PRKN: variants seen among roughly 807,000 people sequenced by gnomAD.
The protein encoded by PRKN is parkin RBR E3 ubiquitin protein ligase, also known as E3 ubiquitin-protein ligase parkin.
Under a neutral mutation model 59.5 loss-of-function variants are expected in PRKN, and 56 were observed. The observed-to-expected ratio is 0.94, with a 90% confidence interval of 0.76 to 1.18. The LOEUF is 1.18. Among genes scored for constraint, PRKN ranks in the 50% most tolerant of loss-of-function variants. The probability of loss-of-function intolerance (pLI) is 0.00; values close to 1 mark genes in which losing one functional copy is unlikely to be tolerated. For synonymous variants in PRKN, 250 were observed against 222.1 expected, an observed-to-expected ratio of 1.13 and a Z score of -1.12; for missense variants, 657 against 596.4, an observed-to-expected ratio of 1.10 and a Z score of -1.06.
At chr6:161,755,018 G>A (rs1788856472) in intron 7 of PRKN, among the ~76,000 whole-genome samples, 1 of 152,200 alleles carries the variant, frequency 6.6e-6, no homozygotes, top group Non-Finnish European at 1.5e-5. Flanking sequence ...AAGTGCTTAT[G>A]TTTCTTTCAG....
Position 161,441,423 on chromosome 6 carries a change from T to G in PRKN, c.1084-54546A>C, listed in dbSNP as rs368137880. Among the ~76,000 whole-genome samples, 187 of 152,094 alleles carry G rather than the reference T, an allele frequency of 1.2e-3. 1 individual carries two copies. The East Asian group carries it at 0.024, about 20-fold the overall frequency. ...ACTTTGGGAGGCCAAGGCGGGCGGA[T>G]CACTTGAGGTCAGGAGTTTGAAACC... On this transcript the variant is annotated intron_variant, in intron 9 of 11. Transcript: ENST00000366898.
chr6:162,054,428 C>T (rs1224279737), intron 4 of PRKN, among the ~76,000 whole-genome samples: 1 of 152,190 alleles, frequency 6.6e-6, no homozygotes, highest in Non-Finnish European at 1.5e-5. Flanking sequence ...CACTTATAGC[C>T]TCCCCCTACG....
At chr6:162,245,114 C>A (rs1019377242) in intron 3 of PRKN, among the ~76,000 whole-genome samples, 18 of 151,848 alleles carry the variant, frequency 1.2e-4, no homozygotes, top group Non-Finnish European at 2.2e-4. Context: ...TCTTAATAAT[C>A]AAAAAAAATT....
In PRKN at chr6:161,385,363, G is replaced by T. The variant is rs962863045; in HGVS notation, c.1167+1431C>A. On this transcript the variant is annotated intron_variant, in intron 10 of 11. Coordinates refer to ENST00000366898, the MANE Select transcript of PRKN (RefSeq NM_004562.3). This position sits in a 1 kb window ranked among gnomAD's most constrained non-coding sequence, Gnocchi z 4.9. ...CCGATGCTGGACATCTATGGTTTAGGTCATCTCTAACTTTCTTTTTCCTAT... is the reference window on the plus strand; with the variant it reads ...CCGATGCTGGACATCTATGGTTTAGTTCATCTCTAACTTTCTTTTTCCTAT... 6.6e-6 allele frequency among the ~76,000 whole-genome samples: 1 copy of T among 152,142 alleles called. No homozygotes were observed. The highest frequency in any genetic ancestry group is 2.4e-5 in the African/African-American group (1 of 41,428).
intron 1 of PRKN, among the ~76,000 whole-genome samples, chr6:162,561,501 G>A (rs575368005): frequency 6.6e-6 from 1 of 152,096 alleles, no homozygotes; most frequent in South Asian, 2.1e-4. Context: ...CAAAAATCAG[G>A]TGAGCACTCA....
intron 1 of PRKN, among the ~76,000 whole-genome samples, chr6:162,651,968 T>A (rs55641858): frequency 0.23 from 35,207 of 152,098 alleles, 4,867 homozygotes; most frequent in African/African-American, 0.37. Context: ...TACTCAGATA[T>A]TTAGCATTAC....
rs1042085460 is a variant in PRKN at position 161,488,413 on chromosome 6, A to G, written c.1083+60441T>C. Among the ~76,000 whole-genome samples, 1 of 152,236 alleles carries G rather than the reference A, an allele frequency of 6.6e-6. No homozygotes were observed. The highest frequency in any genetic ancestry group is 1.5e-5 in the Non-Finnish European group (1 of 68,042). ...GCTGCTTAAACTGTTAGTATAAATT[A>G]TAATGGAATTTAAGTAATGTTCACA... is the stretch of plus-strand genomic sequence containing the variant. On this transcript the variant is annotated intron_variant, in intron 9 of 11. Transcript: ENST00000366898. The surrounding 1 kb of genome is among the most constrained non-coding windows in gnomAD (Gnocchi z 4.5).
chr6:161,348,434 C>A lies in PRKN; in HGVS notation c.*1665G>T. On this transcript the variant is annotated 3_prime_UTR_variant, in exon 12 of 12. Transcript: ENST00000366898. This position sits in a 1 kb window ranked among gnomAD's most constrained non-coding sequence, Gnocchi z 4.9. ...GGCCATGTTGGAGTCGGTAGATTTT[C>A]AGACAGTGAAGCCACATGAAGCTGT... 1 of 222,514 alleles carries A rather than the reference C, an allele frequency of 4.5e-6. No homozygotes were observed. Among genetic ancestry groups the A allele is most frequent in the East Asian group, 6.5e-5 (1 of 15,392 alleles). The allele number at this position is 222,514 out of a possible 1,614,324, so 13.8% of individuals were successfully genotyped here.
At chr6:161,513,158 A>G (rs1313962167) in intron 9 of PRKN, among the ~76,000 whole-genome samples, 5 of 152,208 alleles carry the variant, frequency 3.3e-5, no homozygotes, top group Admixed American at 1.3e-4. Flanking sequence ...AGAAATAAAA[A>G]TTTGGCTGCC....
chr6:161,418,556 A>G (rs1473168987), intron 9 of PRKN, among the ~76,000 whole-genome samples: 2 of 152,226 alleles, frequency 1.3e-5, no homozygotes, highest in African/African-American at 4.8e-5. Context: ...TTTAGTAAAT[A>G]AACGTGATCA....
rs553316624 is a variant in PRKN, at chr6:161,447,715, G to A, written c.1084-60838C>T. Among the ~76,000 whole-genome samples the A allele has an allele frequency of 2.0e-5, 3 of 152,074 alleles. No individual in the cohort carries two copies. Among genetic ancestry groups the A allele is most frequent in the Non-Finnish European group, 4.4e-5 (3 of 68,028 alleles). On this transcript the variant is annotated intron_variant, in intron 9 of 11. Transcript: ENST00000366898. This position sits in a 1 kb window ranked among gnomAD's most constrained non-coding sequence, Gnocchi z 4.1. ...TCACCGTGTAAGCTAGGATGGTCTCGATCTCCTGACCTCATGATCAGCCCG... is the reference window on the plus strand; with the variant it reads ...TCACCGTGTAAGCTAGGATGGTCTCAATCTCCTGACCTCATGATCAGCCCG...
intron 2 of PRKN, among the ~76,000 whole-genome samples, chr6:162,334,059 G>C (rs187559729): frequency 1.1e-4 from 16 of 152,286 alleles, no homozygotes; most frequent in African/African-American, 3.9e-4. Context: ...TTCTACGAAG[G>C]CTGAGAGAGG....
intron 9 of PRKN, among the ~76,000 whole-genome samples, chr6:161,523,930 G>T (rs1318345975): frequency 6.6e-6 from 1 of 152,114 alleles, no homozygotes. Context: ...CTCAGCAAGA[G>T]AGAGACTGGG....
chr6:162,717,881 A>G (rs1778789041), intron 1 of PRKN, among the ~76,000 whole-genome samples: 1 of 152,220 alleles, frequency 6.6e-6, no homozygotes, highest in South Asian at 2.1e-4. Context: ...TATTACCACA[A>G]TGCATTTGTC....
intron 6 of PRKN, among the ~76,000 whole-genome samples, chr6:161,874,180 T>TACATGTAAAATATTATATATAAA (rs1562354107): frequency 2.8e-5 from 1 of 35,118 alleles, no homozygotes; most frequent in Non-Finnish European, 4.5e-5. Flanking sequence ...TAATATATAT[T>TACATGTAAAATATTATATATAAA]ATATATAATA....
At position 162,094,095 on chromosome 6, in the gene PRKN, C is replaced by T. The variant is rs1294628088; in HGVS notation, c.535-39921G>A. 7.2e-5 allele frequency among the ~76,000 whole-genome samples: 11 copies of T among 151,984 alleles called. No individual in the cohort carries two copies. In the East Asian group the frequency reaches 1.2e-3, roughly 16 times the overall value. ...AGCGAGGCAGCACGTCGAGATGAGA[C>T]GAAAACACAGACACTGACTGAGTAG... On this transcript the variant is annotated intron_variant, in intron 4 of 11. Transcript: ENST00000366898.
Position 162,311,965 on chromosome 6 carries a change from C to T in PRKN, c.172-49200G>A, listed in dbSNP as rs142258341. 1.3e-4 allele frequency among the ~76,000 whole-genome samples: 20 copies of T among 152,134 alleles called. No individual in the cohort carries two copies. The East Asian group carries it at 3.1e-3, about 24-fold the overall frequency. ...CAGACAACAAAGCACATAACCAAGA[C>T]GCTTGATCACACACACGTGCATGCA... On this transcript the variant is annotated intron_variant, in intron 2 of 11. Transcript: ENST00000366898.
chr6:162,091,286 A>G (rs571400994), intron 4 of PRKN, among the ~76,000 whole-genome samples: 6 of 152,316 alleles, frequency 3.9e-5, no homozygotes, highest in Admixed American at 3.9e-4. Context: ...TACATCCGAT[A>G]ACTGCCTACA....
chr6:162,379,786 T>TA (rs1283212860), intron 2 of PRKN, among the ~76,000 whole-genome samples: 1 of 152,160 alleles, frequency 6.6e-6, no homozygotes, highest in Non-Finnish European at 1.5e-5. Flanking sequence ...TAAGGCACTT[T>TA]AAAAAAATGC....
Sources: allele counts gnomAD v4.1 joint callset (sites outside exome capture counted in the v4.1 genomes callset), GRCh38; gene constraint gnomAD v4.1.1; non-coding constraint Gnocchi (gnomAD v3.1); transcripts MANE v1.5; gene names NCBI Gene and HGNC (gene_info 2026-07-23, HGNC 2026-07-21).